Variants in SYTL1 observed in about 807,000 individuals in gnomAD.
The protein encoded by SYTL1 is synaptotagmin like 1.
In SYTL1, 53 loss-of-function variants were observed where a neutral mutation model predicts 74.6. That is an observed-to-expected ratio of 0.71 (90% CI 0.57 to 0.89). The LOEUF (loss-of-function observed/expected upper bound fraction) is 0.89. Ranked by LOEUF, SYTL1 falls within the 40% of genes least tolerant of loss-of-function variation. The pLI is 0.00. For missense variants in SYTL1, 728 were observed against 768.7 expected, an observed-to-expected ratio of 0.95 and a Z score of 0.63; for synonymous variants, 329 against 324.9, an observed-to-expected ratio of 1.01 and a Z score of -0.14.
chr1:27,351,101 G>A lies in SYTL1; in HGVS notation c.1164+149G>A. On this transcript the variant is annotated intron_variant, in intron 11 of 14. Transcript: ENST00000616558. The surrounding 1 kb of genome is among the most constrained non-coding windows in gnomAD (Gnocchi z 5.0). ...CATGGCCCCAGGCGAAGCCCGGCCG[G>A]CCACGGCCCCTTCCCCGAGGGCGCT... The A allele has an allele frequency of 7.6e-7, 1 of 1,321,000 alleles. No individual in the cohort carries two copies. The highest frequency in any genetic ancestry group is 1.0e-6 in the Non-Finnish European group (1 of 972,982). 81.8% of individuals were successfully genotyped at this position (1,321,000 alleles called of 1,614,324 possible).
chr1:27,353,234 C>T (rs2015349588), intron 13 of SYTL1, 49 bp from the exon 14 acceptor site: 1 of 1,532,722 alleles, frequency 6.5e-7, no homozygotes, highest in Non-Finnish European at 8.9e-7. Context: ...CTGGATGACT[C>T]TAGGGAGTGT....
rs77554574 is a variant in SYTL1 at position 27,347,188 on chromosome 1, A to G, written c.192-233A>G. Among the ~76,000 whole-genome samples, 1,982 of 152,288 alleles carry G rather than the reference A, an allele frequency of 0.013. 21 individuals carry two copies. Among genetic ancestry groups the G allele is most frequent in the East Asian group, 0.025 (128 of 5,186 alleles). On this transcript the variant is annotated intron_variant, in intron 2 of 14. Coordinates refer to ENST00000616558, the MANE Select transcript of SYTL1 (RefSeq NM_001193308.2). This position sits in a 1 kb window ranked among gnomAD's most constrained non-coding sequence, Gnocchi z 4.9. ...CACCTCCTCTGGGAAGCCCTCCTGGATTCTCACAGGCAGAGCTGGCTCTTC... is the reference window on the plus strand; with the variant it reads ...CACCTCCTCTGGGAAGCCCTCCTGGGTTCTCACAGGCAGAGCTGGCTCTTC...
Position 27,348,028 on chromosome 1 carries a change from A to G in SYTL1, c.459+16A>G. 9 of 1,613,158 alleles carry G rather than the reference A, an allele frequency of 5.6e-6. No homozygotes were observed. The highest frequency in any genetic ancestry group is 7.6e-6 in the Non-Finnish European group (9 of 1,179,136). ...GGAGACTGAGGTAAGTGAATGAGCC[A>G]ACATGTGAGTACAGTGTCCCTGGAG... On this transcript the variant is annotated intron_variant, in intron 5 of 14. Coordinates refer to ENST00000616558, the MANE Select transcript of SYTL1 (RefSeq NM_001193308.2). The surrounding 1 kb of genome is among the most constrained non-coding windows in gnomAD (Gnocchi z 4.1).
rs896332431 is a variant in SYTL1 at position 27,349,779 on chromosome 1, G to A, written c.747+14G>A. On this transcript the variant is annotated intron_variant, in intron 8 of 14. Transcript: ENST00000616558. ...AACTCCTCCACGGTGAGGCGGGAGG[G>A]AGGGGACCCGGGCGGCCGGGGGGTG... 1 of 1,585,866 alleles carries A rather than the reference G, an allele frequency of 6.3e-7. No individual in the cohort carries two copies. Among genetic ancestry groups the A allele is most frequent in the Non-Finnish European group, 8.5e-7 (1 of 1,172,676 alleles).
In SYTL1 at chr1:27,345,587, C is replaced by T; in HGVS notation, c.191+62C>T. 1.7e-6 allele frequency: 2 copies of T among 1,158,114 alleles called. No individual in the cohort carries two copies. The highest frequency in any genetic ancestry group is 3.0e-5 in the South Asian group (2 of 65,740). 71.7% of individuals were successfully genotyped at this position (1,158,114 alleles called of 1,614,324 possible). A position where few individuals can be genotyped will look rare whatever the true frequency, so the allele number is the denominator to read the frequency against. ...AGGCTTGAGTGGCCCCCATCCTGCT[C>T]CCTACCGACACCACTGCCTGTCAGA... On this transcript the variant is annotated intron_variant, in intron 2 of 14. Coordinates refer to ENST00000616558, the MANE Select transcript of SYTL1 (RefSeq NM_001193308.2). The surrounding 1 kb of genome is among the most constrained non-coding windows in gnomAD (Gnocchi z 6.0).
At chr1:27,349,364 G>A in intron 6 of SYTL1, 34 bp from the exon 7 acceptor site, 1 of 1,445,834 alleles carries the variant, frequency 6.9e-7, no homozygotes. Context: ...GAGGGCAGGA[G>A]AGGGCTCGCT....
In SYTL1 at chr1:27,349,967, C is replaced by T. The variant is rs550642492; in HGVS notation, c.748-5C>T. Reference sequence around the variant, plus strand: ...GCCCTGACTCCCACCCACTCCCGTCCGCAGCTGAGCGGCAGCCAGATGAGC... The same window carrying T: ...GCCCTGACTCCCACCCACTCCCGTCTGCAGCTGAGCGGCAGCCAGATGAGC... On this transcript the variant is annotated splice_region_variant and splice_polypyrimidine_tract_variant and intron_variant, in intron 8 of 14. Transcript: ENST00000616558. 12 of 1,572,142 alleles carry T rather than the reference C, an allele frequency of 7.6e-6. No homozygotes were observed. The African/African-American group carries it at 1.5e-4, about 20-fold the overall frequency.
chr1:27,351,652 C>A lies in SYTL1; in HGVS notation c.1343+97C>A. ...TACTAATCAACCTTTGATCACGCAG[C>A]CTGGGCTTTCACCACTGAGCAGGGG... On this transcript the variant is annotated intron_variant, in intron 13 of 14. Transcript: ENST00000616558. The surrounding 1 kb of genome is among the most constrained non-coding windows in gnomAD (Gnocchi z 5.0). The A allele has an allele frequency of 2.5e-6, 2 of 811,208 alleles. No individual in the cohort carries two copies. The highest frequency in any genetic ancestry group is 3.8e-6 in the Non-Finnish European group (2 of 525,392). The allele number at this position is 811,208 out of a possible 1,614,324, so 50.3% of individuals were successfully genotyped here.
chr1:27,349,571 G>T, intron 7 of SYTL1, 73 bp downstream of exon 7: 1 of 1,507,304 alleles, frequency 6.6e-7, no homozygotes. Flanking sequence ...CCTGCCCAGG[G>T]CTGCGAGCCG....
chr1:27,346,485 CAG>C (rs1384302564), intron 2 of SYTL1, among the ~76,000 whole-genome samples: 2 of 152,144 alleles, frequency 1.3e-5, no homozygotes, highest in Non-Finnish European at 2.9e-5. Context: ...AGGAATTGGC[CAG>C]AGATAGTGGC....
At chr1:27,346,773 T>C (rs1446936392) in intron 2 of SYTL1, among the ~76,000 whole-genome samples, 1 of 150,292 alleles carries the variant, frequency 6.7e-6, no homozygotes, top group African/African-American at 2.5e-5. Context: ...AAAAAAATAA[T>C]AAAATTAAAA....
At position 27,350,101 on chromosome 1, in the gene SYTL1, C is replaced by T. The variant is rs2015192952; in HGVS notation, c.877C>T (p.Leu293=). 4 of 1,408,496 alleles carry T rather than the reference C, an allele frequency of 2.8e-6. No homozygotes were observed. The South Asian group carries it at 4.7e-5, about 16-fold the overall frequency. 87.2% of individuals were successfully genotyped at this position (1,408,496 alleles called of 1,614,324 possible). The change falls in exon 9 of 15, where the codon CTG becomes TTG. Residue 293 remains leucine (L), a synonymous_variant. Transcript: ENST00000616558. This position sits in a 1 kb window ranked among gnomAD's most constrained non-coding sequence, Gnocchi z 6.3. ...CGTGCACGTGATCCAGTGCCAGGGC[C>T]TGGCCGCCGCCCGGCGCCGCCGCTC... ...LRVHVIQCQG[L]AAARRRRSDP... is the part of the protein sequence containing the mutation.
rs1557549895 is a variant in SYTL1, at chr1:27,353,929, G to A, written c.*77G>A. On this transcript the variant is annotated 3_prime_UTR_variant, in exon 15 of 15. Transcript: ENST00000616558. Reference sequence around the variant, plus strand: ...AAAGTCAATAAAGTCTATTCTAAGAGCAATAAAAGGCTGGTGTCTGCTGGG... The same window carrying A: ...AAAGTCAATAAAGTCTATTCTAAGAACAATAAAAGGCTGGTGTCTGCTGGG... The A allele has an allele frequency of 4.4e-6, 6 of 1,365,144 alleles. No individual in the cohort carries two copies. In the African/African-American group the frequency reaches 8.7e-5, roughly 20 times the overall value. 84.6% of individuals were successfully genotyped at this position (1,365,144 alleles called of 1,614,324 possible).
Position 27,351,804 on chromosome 1 carries a change from C to A in SYTL1, c.1343+249C>A. ...AGCTGAGGCTGAGGGCTGCAAGGGT[C>A]CTTCCATAGAGAACCTGGGAGGCCA... On this transcript the variant is annotated intron_variant, in intron 13 of 14. Coordinates refer to ENST00000616558, the MANE Select transcript of SYTL1 (RefSeq NM_001193308.2). The surrounding 1 kb of genome is among the most constrained non-coding windows in gnomAD (Gnocchi z 5.0). 2.4e-6 allele frequency: 1 copy of A among 419,732 alleles called. No homozygotes were observed. 26.0% of individuals were successfully genotyped at this position (419,732 alleles called of 1,614,324 possible).
intron 2 of SYTL1, among the ~76,000 whole-genome samples, chr1:27,346,295 T>C (rs1236157667): frequency 1.3e-5 from 2 of 152,212 alleles, no homozygotes; most frequent in Admixed American, 6.5e-5. Context: ...TTCACTTCTA[T>C]GCCTATGCTG....
At position 27,345,314 on chromosome 1, in the gene SYTL1, G is replaced by A; in HGVS notation, c.-21G>A. The A allele has an allele frequency of 6.8e-7, 1 of 1,460,232 alleles. No individual in the cohort carries two copies. The highest frequency in any genetic ancestry group is 9.0e-7 in the Non-Finnish European group (1 of 1,105,830). The allele number at this position is 1,460,232 out of a possible 1,614,324, so 90.5% of individuals were successfully genotyped here. A position where few individuals can be genotyped will look rare whatever the true frequency, so the allele number is the denominator to read the frequency against. ...GCCCCCAGGAAGCTCCGTGTGCCCA[G>A]CTGGGGCACAGCCCCAGCTGATGCC... On this transcript the variant is annotated 5_prime_UTR_variant, in exon 2 of 15. Coordinates refer to ENST00000616558, the MANE Select transcript of SYTL1 (RefSeq NM_001193308.2). This position sits in a 1 kb window ranked among gnomAD's most constrained non-coding sequence, Gnocchi z 6.0.
rs1007399675 is a variant in SYTL1, at chr1:27,351,651, G to T, written c.1343+96G>T. On this transcript the variant is annotated intron_variant, in intron 13 of 14. Transcript: ENST00000616558. This position sits in a 1 kb window ranked among gnomAD's most constrained non-coding sequence, Gnocchi z 5.0. ...TTACTAATCAACCTTTGATCACGCA[G>T]CCTGGGCTTTCACCACTGAGCAGGG... is the stretch of plus-strand genomic sequence containing the variant. The T allele has an allele frequency of 3.6e-6, 3 of 823,916 alleles. No individual in the cohort carries two copies. The African/African-American group carries it at 5.3e-5, about 14-fold the overall frequency. The allele number at this position is 823,916 out of a possible 1,614,324, so 51.0% of individuals were successfully genotyped here.
intron 8 of SYTL1, 69 bp downstream of exon 8, chr1:27,349,834 C>A: frequency 6.5e-7 from 1 of 1,540,686 alleles, no homozygotes; most frequent in Non-Finnish European, 8.7e-7. Flanking sequence ...CCCCTGCCTG[C>A]CCCTCCCTCG....
In SYTL1 at chr1:27,350,766, T is replaced by A. The variant is rs1360576799; in HGVS notation, c.1006-28T>A. On this transcript the variant is annotated intron_variant, in intron 10 of 14. Coordinates refer to ENST00000616558, the MANE Select transcript of SYTL1 (RefSeq NM_001193308.2). This position sits in a 1 kb window ranked among gnomAD's most constrained non-coding sequence, Gnocchi z 6.3. Reference sequence around the variant, plus strand: ...CATCTACGCGGGCCACCAGCAGTGCTCCACTAAAGCTCACCTCCTGTCCTC... The same window carrying A: ...CATCTACGCGGGCCACCAGCAGTGCACCACTAAAGCTCACCTCCTGTCCTC... 6.2e-7 allele frequency: 1 copy of A among 1,609,012 alleles called. No individual in the cohort carries two copies. The highest frequency in any genetic ancestry group is 8.5e-7 in the Non-Finnish European group (1 of 1,176,318).
Sources: allele counts gnomAD v4.1 joint callset (sites outside exome capture counted in the v4.1 genomes callset), GRCh38; gene constraint gnomAD v4.1.1; non-coding constraint Gnocchi (gnomAD v3.1); transcripts MANE v1.5; gene names NCBI Gene and HGNC (gene_info 2026-07-23, HGNC 2026-07-21).